AMIGO1: variants seen among roughly 807,000 people sequenced by gnomAD.
AMIGO1 encodes the protein amphoterin-induced protein 1.
For synonymous variants in AMIGO1, 249 were observed against 266.3 expected (o/e 0.93, Z 0.63); for missense variants, 361 against 612.3 (o/e 0.59, Z 4.33).
At position 109,507,348 on chromosome 1, in the gene AMIGO1, C is replaced by T; in HGVS notation, c.*83G>A. On this transcript the variant is annotated 3_prime_UTR_variant, in exon 2 of 2. Transcript: ENST00000369864. The surrounding 1 kb of genome is among the most constrained non-coding windows in gnomAD (Gnocchi z 4.7). ...AGGAGGAATCCATTCCCTTGGGCAG[C>T]CAGCCCTCTCTTCCATCCCCTCATA... 6.6e-7 allele frequency: 1 copy of T among 1,508,408 alleles called. No individual in the cohort carries two copies. The highest frequency in any genetic ancestry group is 1.3e-5 in the South Asian group (1 of 74,960). 93.4% of individuals were successfully genotyped at this position (1,508,408 alleles called of 1,614,324 possible).
chr1:109,508,046 C>T lies in AMIGO1; in HGVS notation c.867G>A (p.Lys289=). 1 of 1,614,186 alleles carries T rather than the reference C, an allele frequency of 6.2e-7. No homozygotes were observed. Residue 289 remains lysine, a synonymous_variant, in exon 2 of 2, where the codon AAG becomes AAA. Coordinates refer to ENST00000369864, the MANE Select transcript of AMIGO1 (RefSeq NM_020703.4). The surrounding 1 kb of genome is among the most constrained non-coding windows in gnomAD (Gnocchi z 7.8). The part of the protein sequence containing the change: ...EAHLGDTLII[K]CDTKQQGMTK... The stretch of plus-strand genomic sequence containing the variant: ...TCATCCCTTGCTGCTTGGTGTCACA[C>T]TTGATGATCAAGGTGTCACCCAGGT...
At position 109,506,518 on chromosome 1, in the gene AMIGO1, C is replaced by T. The variant is rs949892519; in HGVS notation, c.*913G>A. 2.0e-5 allele frequency: 3 copies of T among 152,206 alleles called. No individual in the cohort carries two copies. Among genetic ancestry groups the T allele is most frequent in the Admixed American group, 1.3e-4 (2 of 15,286 alleles). 9.4% of individuals were successfully genotyped at this position (152,206 alleles called of 1,614,324 possible). Reference sequence around the variant, plus strand: ...TATCGTGAAGTGGGCCCATGTACCACGTCTGTGGCAGGCATCCATAAAAGC... The same window carrying T: ...TATCGTGAAGTGGGCCCATGTACCATGTCTGTGGCAGGCATCCATAAAAGC... On this transcript the variant is annotated 3_prime_UTR_variant, in exon 2 of 2. Transcript: ENST00000369864.
At position 109,508,831 on chromosome 1, in the gene AMIGO1, C is replaced by T. The variant is rs375349763; in HGVS notation, c.82G>A (p.Gly28Ser). The T allele has an allele frequency of 3.1e-5, 50 of 1,613,100 alleles. No homozygotes were observed. Among genetic ancestry groups the T allele is most frequent in the Admixed American group, 6.7e-5 (4 of 59,898 alleles). The change falls in exon 2 of 2, where the codon GGC (glycine) becomes AGC (serine). Residue 28 changes from glycine to serine, a missense_variant. Transcript: ENST00000369864. The surrounding 1 kb of genome is among the most constrained non-coding windows in gnomAD (Gnocchi z 7.8). ...SLLLFEVARA[G>S]RAVVSCPAAC... is the part of the protein sequence containing the mutation. Reference sequence around the variant, plus strand: ...GCAGGACAGCTAACCACGGCTCGGCCAGCTCTGGCCACCTCAAAAAGCAGC... The same window carrying T: ...GCAGGACAGCTAACCACGGCTCGGCTAGCTCTGGCCACCTCAAAAAGCAGC...
At position 109,508,282 on chromosome 1, in the gene AMIGO1, A is replaced by G. The variant is rs1224721133; in HGVS notation, c.631T>C (p.Trp211Arg). The change falls in exon 2 of 2, where the codon TGG becomes CGG. Residue 211 changes from tryptophan to arginine, a missense_variant. By Grantham distance (101) the Trp-to-Arg change is moderately radical. Transcript: ENST00000369864. The surrounding 1 kb of genome is among the most constrained non-coding windows in gnomAD (Gnocchi z 7.8). ...PLPDLQKLPA[W>R]IKNGLYLHNN... is the part of the protein sequence containing the mutation. ...TGTAGGTACAGCCCATTCTTGATCC[A>G]GGCCGGCAGCTTCTGCAGGTCAGGC... 6.2e-7 allele frequency: 1 copy of G among 1,613,964 alleles called. No homozygotes were observed. Among genetic ancestry groups the G allele is most frequent in the African/African-American group, 1.3e-5 (1 of 74,922 alleles).
chr1:109,509,105 G>A, intron 1 of AMIGO1, 106 bp from the exon 2 acceptor site: 3 of 647,588 alleles, frequency 4.6e-6, no homozygotes, highest in Middle Eastern at 4.3e-4. Flanking sequence ...TGGGCTAGGA[G>A]AGAGAGATGC....
At position 109,507,671 on chromosome 1, in the gene AMIGO1, G is replaced by A; in HGVS notation, c.1242C>T (p.Leu414=). ...EKPSSHQGDS[L]SSSMLSTTPN... is the part of the protein sequence containing the mutation. ...GTGTGGTACTAAGCATGGAAGAGCT[G>A]AGGCTGTCTCCTTGATGGCTGGAAG... is the stretch of plus-strand genomic sequence containing the variant. The change falls in exon 2 of 2, where the codon CTC becomes CTT. Residue 414 remains leucine (L), a synonymous_variant. Transcript: ENST00000369864. This position sits in a 1 kb window ranked among gnomAD's most constrained non-coding sequence, Gnocchi z 4.7. 1.2e-6 allele frequency: 2 copies of A among 1,614,148 alleles called. No homozygotes were observed. Among genetic ancestry groups the A allele is most frequent in the Non-Finnish European group, 1.7e-6 (2 of 1,180,024 alleles).
In AMIGO1 at chr1:109,507,111, T is replaced by G. The variant is rs1348364569; in HGVS notation, c.*320A>C. ...GAGCTAGGGATGACCTCATGAAAGT[T>G]TAGGGAATCTGTTCTTCCCCTCACT... On this transcript the variant is annotated 3_prime_UTR_variant, in exon 2 of 2. Transcript: ENST00000369864. This position sits in a 1 kb window ranked among gnomAD's most constrained non-coding sequence, Gnocchi z 4.7. 3 of 284,006 alleles carry G rather than the reference T, an allele frequency of 1.1e-5. No individual in the cohort carries two copies. In the East Asian group the frequency reaches 2.1e-4, roughly 20 times the overall value. The allele number at this position is 284,006 out of a possible 1,614,324, so 17.6% of individuals were successfully genotyped here. A position where few individuals can be genotyped will look rare whatever the true frequency, so the allele number is the denominator to read the frequency against.
Position 109,507,777 on chromosome 1 carries a change from C to G in AMIGO1, c.1136G>C (p.Gly379Ala). ...TLNTAYTTLVGCILSVVLVLI... is the reference protein window; with the variant it reads ...TLNTAYTTLVACILSVVLVLI... ...GACCAGGACCACACTAAGGATACAG[C>G]CCACTAGGGTGGTATAGGCTGTGTT... The change falls in exon 2 of 2, where the codon GGC becomes GCC. Residue 379 changes from glycine to alanine, a missense_variant. Physicochemically the swap from Gly to Ala is moderately conservative, Grantham distance 60. Coordinates refer to ENST00000369864, the MANE Select transcript of AMIGO1 (RefSeq NM_020703.4). The surrounding 1 kb of genome is among the most constrained non-coding windows in gnomAD (Gnocchi z 4.7). 1 of 1,614,054 alleles carries G rather than the reference C, an allele frequency of 6.2e-7. No individual in the cohort carries two copies. The highest frequency in any genetic ancestry group is 8.5e-7 in the Non-Finnish European group (1 of 1,180,012).
rs1658060125 is a variant in AMIGO1 at position 109,507,674 on chromosome 1, G to T, written c.1239C>A (p.Ser413Arg). Reference sequence around the variant, plus strand: ...TGGTACTAAGCATGGAAGAGCTGAGGCTGTCTCCTTGATGGCTGGAAGGCT... The same window carrying T: ...TGGTACTAAGCATGGAAGAGCTGAGTCTGTCTCCTTGATGGCTGGAAGGCT... ...VEKPSSHQGD[S>R]LSSSMLSTTP... is the part of the protein sequence containing the mutation. Residue 413 changes from serine (S) to arginine (R), a missense_variant, in exon 2 of 2, where the codon AGC (serine) becomes AGA (arginine). By Grantham distance (110) the Ser-to-Arg change is moderately radical. Coordinates refer to ENST00000369864, the MANE Select transcript of AMIGO1 (RefSeq NM_020703.4). The surrounding 1 kb of genome is among the most constrained non-coding windows in gnomAD (Gnocchi z 4.7). 1 of 1,613,968 alleles carries T rather than the reference G, an allele frequency of 6.2e-7. No homozygotes were observed. The highest frequency in any genetic ancestry group is 8.5e-7 in the Non-Finnish European group (1 of 1,180,026).
chr1:109,508,892 C>A lies in AMIGO1; in HGVS notation c.21G>T (p.Pro7=). Residue 7 remains proline, a synonymous_variant, in exon 2 of 2, where the codon CCG becomes CCT. Coordinates refer to ENST00000369864, the MANE Select transcript of AMIGO1 (RefSeq NM_020703.4). The surrounding 1 kb of genome is among the most constrained non-coding windows in gnomAD (Gnocchi z 7.8). Reference sequence around the variant, plus strand: ...ACGGCAGCAGGAGCCAGAGGCCTCTCGGGTCACGGTGGGGGTGCATAGTGT... The same window carrying A: ...ACGGCAGCAGGAGCCAGAGGCCTCTAGGGTCACGGTGGGGGTGCATAGTGT... MHPHRD[P]RGLWLLLPSL... 1 of 1,584,690 alleles carries A rather than the reference C, an allele frequency of 6.3e-7. No homozygotes were observed. Among genetic ancestry groups the A allele is most frequent in the Non-Finnish European group, 8.6e-7 (1 of 1,164,434 alleles).
chr1:109,504,782 TA>T lies in AMIGO1; in HGVS notation c.*2648del, dbSNP rs1657975635. 6.6e-6 allele frequency: 1 copy of T among 152,198 alleles called. No homozygotes were observed. The highest frequency in any genetic ancestry group is 1.5e-5 in the Non-Finnish European group (1 of 68,028). 9.4% of individuals were successfully genotyped at this position (152,198 alleles called of 1,614,324 possible). A position where few individuals can be genotyped will look rare whatever the true frequency, so the allele number is the denominator to read the frequency against. On this transcript the variant is annotated 3_prime_UTR_variant, in exon 2 of 2. Coordinates refer to ENST00000369864, the MANE Select transcript of AMIGO1 (RefSeq NM_020703.4). ...AACTAGTGGATATAGTCAGGAGACTTAAGAGCCACAGGGCCTTTTCTCATTC... is the reference window on the plus strand; with the variant it reads ...AACTAGTGGATATAGTCAGGAGACTTAGAGCCACAGGGCCTTTTCTCATTC...
rs1657979748 is a variant in AMIGO1 at position 109,504,987 on chromosome 1, T to G, written c.*2444A>C. ...AGATTTTCCCAGATTTCCTGATGAG[T>G]CTGAGGAGGGAGTCCTAGTTCCTAT... is the stretch of plus-strand genomic sequence containing the variant. On this transcript the variant is annotated 3_prime_UTR_variant, in exon 2 of 2. Coordinates refer to ENST00000369864, the MANE Select transcript of AMIGO1 (RefSeq NM_020703.4). 1 of 152,080 alleles carries G rather than the reference T, an allele frequency of 6.6e-6. No individual in the cohort carries two copies. Among genetic ancestry groups the G allele is most frequent in the African/African-American group, 2.4e-5 (1 of 41,370 alleles). The allele number at this position is 152,080 out of a possible 1,614,324, so 9.4% of individuals were successfully genotyped here.
chr1:109,509,651 C>T lies in AMIGO1; in HGVS notation c.-319G>A, dbSNP rs1658121156. 6.6e-6 allele frequency: 1 copy of T among 151,662 alleles called. No homozygotes were observed. The highest frequency in any genetic ancestry group is 2.4e-5 in the African/African-American group (1 of 41,472). 9.4% of individuals were successfully genotyped at this position (151,662 alleles called of 1,614,324 possible). On this transcript the variant is annotated 5_prime_UTR_variant, in exon 1 of 2. Coordinates refer to ENST00000369864, the MANE Select transcript of AMIGO1 (RefSeq NM_020703.4). ...ACCGCGGTCGCTGCCTCCAGGTCCGCAGGCCTGGCGCGGATCGGTGCGGGG... is the reference window on the plus strand; with the variant it reads ...ACCGCGGTCGCTGCCTCCAGGTCCGTAGGCCTGGCGCGGATCGGTGCGGGG...
chr1:109,508,740 G>A lies in AMIGO1; in HGVS notation c.173C>T (p.Ser58Phe), dbSNP rs759431964. The part of the protein sequence containing the change: ...SKQQLPNVPH[S>F]LPSYTALLDL... ...CAGTAGTGCTGTGTAACTGGGCAAG[G>A]AATGGGGCACATTGGGCAGCTGCTG... The change falls in exon 2 of 2, where the codon TCC becomes TTC. Residue 58 changes from serine to phenylalanine, a missense_variant. By Grantham distance (155) the Ser-to-Phe change is radical. Coordinates refer to ENST00000369864, the MANE Select transcript of AMIGO1 (RefSeq NM_020703.4). This position sits in a 1 kb window ranked among gnomAD's most constrained non-coding sequence, Gnocchi z 7.8. 6.2e-7 allele frequency: 1 copy of A among 1,614,070 alleles called. No individual in the cohort carries two copies. Among genetic ancestry groups the A allele is most frequent in the Admixed American group, 1.7e-5 (1 of 60,030 alleles).
rs1658083588 is a variant in AMIGO1 at position 109,508,579 on chromosome 1, G to A, written c.334C>T (p.Leu112=). 5.6e-6 allele frequency: 9 copies of A among 1,614,186 alleles called. No individual in the cohort carries two copies. The East Asian group carries it at 1.8e-4, about 32-fold the overall frequency. ...SSEAFSPVPN[L]RYLDLSSNQL... ...TTGGAGGAGAGGTCCAGGTAGCGCAGGTTGGGTACCGGGGAAAAGGCCTCA... is the reference window on the plus strand; with the variant it reads ...TTGGAGGAGAGGTCCAGGTAGCGCAAGTTGGGTACCGGGGAAAAGGCCTCA... The change falls in exon 2 of 2, where the codon CTG becomes TTG. Residue 112 remains leucine, a synonymous_variant. Coordinates refer to ENST00000369864, the MANE Select transcript of AMIGO1 (RefSeq NM_020703.4). This position sits in a 1 kb window ranked among gnomAD's most constrained non-coding sequence, Gnocchi z 7.8.
At position 109,508,752 on chromosome 1, in the gene AMIGO1, T is replaced by C. The variant is rs780585630; in HGVS notation, c.161A>G (p.Asn54Ser). Residue 54 changes from asparagine to serine, a missense_variant, in exon 2 of 2, where the codon AAT becomes AGT. Physicochemically the swap from Asn to Ser is conservative, Grantham distance 46. Coordinates refer to ENST00000369864, the MANE Select transcript of AMIGO1 (RefSeq NM_020703.4). This position sits in a 1 kb window ranked among gnomAD's most constrained non-coding sequence, Gnocchi z 7.8. ...GTAACTGGGCAAGGAATGGGGCACATTGGGCAGCTGCTGCTTGGAGCAGCT... is the reference window on the plus strand; with the variant it reads ...GTAACTGGGCAAGGAATGGGGCACACTGGGCAGCTGCTGCTTGGAGCAGCT... ...ILSCSKQQLP[N>S]VPHSLPSYTA... The C allele has an allele frequency of 6.2e-6, 10 of 1,613,838 alleles. No homozygotes were observed. Among genetic ancestry groups the C allele is most frequent in the Non-Finnish European group, 8.5e-6 (10 of 1,179,926 alleles).
At position 109,508,466 on chromosome 1, in the gene AMIGO1, C is replaced by T; in HGVS notation, c.447G>A (p.Val149=). 1.2e-6 allele frequency: 2 copies of T among 1,614,120 alleles called. No homozygotes were observed. Among genetic ancestry groups the T allele is most frequent in the Non-Finnish European group, 8.5e-7 (1 of 1,180,018 alleles). Residue 149 remains valine (V), a synonymous_variant, in exon 2 of 2, where the codon GTG becomes GTA. Transcript: ENST00000369864. The surrounding 1 kb of genome is among the most constrained non-coding windows in gnomAD (Gnocchi z 7.8). The part of the protein sequence containing the change: ...LLLYNNHIMA[V]DRCAFDDMAQ... ...CCATGTCATCGAAGGCGCACCGGTC[C>T]ACCGCCATGATGTGGTTATTGTAGA...
At position 109,504,743 on chromosome 1, in the gene AMIGO1, CA is replaced by C. The variant is rs1257753882; in HGVS notation, c.*2687del. On this transcript the variant is annotated 3_prime_UTR_variant, in exon 2 of 2. Transcript: ENST00000369864. Reference sequence around the variant, plus strand: ...AGCCAGGTACATCTACCAGGTGTCTCAAACTCAAGGCCAAACTAGTGGATAT... The same window carrying C: ...AGCCAGGTACATCTACCAGGTGTCTCAACTCAAGGCCAAACTAGTGGATAT... 1 of 152,194 alleles carries C rather than the reference CA, an allele frequency of 6.6e-6. No homozygotes were observed. Among genetic ancestry groups the C allele is most frequent in the African/African-American group, 2.4e-5 (1 of 41,446 alleles). The allele number at this position is 152,194 out of a possible 1,614,324, so 9.4% of individuals were successfully genotyped here. A position where few individuals can be genotyped will look rare whatever the true frequency, so the allele number is the denominator to read the frequency against.
Position 109,507,398 on chromosome 1 carries a change from C to T in AMIGO1, c.*33G>A. ...ATCCTTCAGGGGTGCATTACCTCTCCTGGGGCAGAATCTCCCCACCAACCC... is the reference window on the plus strand; with the variant it reads ...ATCCTTCAGGGGTGCATTACCTCTCTTGGGGCAGAATCTCCCCACCAACCC... On this transcript the variant is annotated 3_prime_UTR_variant, in exon 2 of 2. Coordinates refer to ENST00000369864, the MANE Select transcript of AMIGO1 (RefSeq NM_020703.4). This position sits in a 1 kb window ranked among gnomAD's most constrained non-coding sequence, Gnocchi z 4.7. The T allele has an allele frequency of 6.4e-7, 1 of 1,560,756 alleles. No homozygotes were observed. The highest frequency in any genetic ancestry group is 1.2e-5 in the South Asian group (1 of 81,816).
Sources: allele counts gnomAD v4.1 joint callset, GRCh38; gene constraint gnomAD v4.1.1; non-coding constraint Gnocchi (gnomAD v3.1); transcripts MANE v1.5; gene names NCBI Gene and HGNC (gene_info 2026-07-23, HGNC 2026-07-21).